PLOD1: variants seen among roughly 807,000 people sequenced by gnomAD.
PLOD1 encodes lysine hydroxylase.
PLOD1 carries 70 observed loss-of-function variants against 94.7 expected under a neutral mutation model. That is an observed-to-expected ratio of 0.74 (90% CI 0.61 to 0.90). The LOEUF (loss-of-function observed/expected upper bound fraction) is 0.90, where lower values mean the gene tolerates loss of function less well. PLOD1 is among the 40% of genes least tolerant of loss of function. PLOD1 has a pLI of 0.00. For missense variants in PLOD1, 905 were observed against 972.7 expected (o/e 0.93, Z 0.93); for synonymous variants, 417 against 400.2 (o/e 1.04, Z -0.50).
At chr1:11,956,837 G>A in intron 6 of PLOD1, 80 bp from the exon 7 acceptor site, 1 of 882,236 alleles carries the variant, frequency 1.1e-6, no homozygotes, top group South Asian at 1.3e-5. Context: ...TGCACAGCTG[G>A]GATTTGAGCC....
rs1645889828 is a variant in PLOD1 at position 11,974,558 on chromosome 1, C to T, written c.2029-95C>T. On this transcript the variant is annotated intron_variant, in intron 18 of 18. Transcript: ENST00000196061. ...AGAAGGCATCCCCAGGCAGGCAGTG[C>T]TGAGGGCCACTTGGCCATGACAGGA... is the stretch of plus-strand genomic sequence containing the variant. The T allele has an allele frequency of 3.2e-6, 4 of 1,255,180 alleles. No homozygotes were observed. The African/African-American group carries it at 4.4e-5, about 14-fold the overall frequency. The allele number at this position is 1,255,180 out of a possible 1,614,324, so 77.8% of individuals were successfully genotyped here.
chr1:11,952,544 G>A, intron 4 of PLOD1, 79 bp from the exon 5 acceptor site: 1 of 974,048 alleles, frequency 1.0e-6, no homozygotes, highest in South Asian at 1.3e-5. Flanking sequence ...TGGATAAGAG[G>A]GAAGGGTGGG....
intron 16 of PLOD1, among the ~76,000 whole-genome samples, chr1:11,970,398 G>A (rs145163199): frequency 9.8e-5 from 15 of 152,302 alleles, no homozygotes; most frequent in African/African-American, 2.6e-4. Flanking sequence ...GCGCCACTGC[G>A]CTCTTACCTG....
chr1:11,959,692 A>G (rs1366277172), intron 9 of PLOD1, among the ~76,000 whole-genome samples: 1 of 147,902 alleles, frequency 6.8e-6, no homozygotes, highest in Non-Finnish European at 1.5e-5. Flanking sequence ...ATCTCAGCTC[A>G]GTGCAACCTC....
In PLOD1 at chr1:11,963,949, GAGA is replaced by G. The variant is rs1020338670; in HGVS notation, c.1203-223_1203-221del. ...CAGCCTGATACCCCAGGTTCTGATA[GAGA>G]AGGTGTCCTGCCCTGTCTGCTCCTG... is the stretch of plus-strand genomic sequence containing the variant. On this transcript the variant is annotated intron_variant, in intron 11 of 18. Coordinates refer to ENST00000196061, the MANE Select transcript of PLOD1 (RefSeq NM_000302.4). The surrounding 1 kb of genome is among the most constrained non-coding windows in gnomAD (Gnocchi z 4.3). Among the ~76,000 whole-genome samples, 4 of 152,074 alleles carry G rather than the reference GAGA, an allele frequency of 2.6e-5. No individual in the cohort carries two copies. Among genetic ancestry groups the G allele is most frequent in the Non-Finnish European group, 4.4e-5 (3 of 68,008 alleles).
At chr1:11,954,595 A>G (rs755700013) in intron 5 of PLOD1, 1 of 758,486 alleles carries the variant, frequency 1.3e-6, no homozygotes, top group Non-Finnish European at 2.5e-6. Context: ...GCATTCTTAG[A>G]TTCCTTCCAG....
intron 17 of PLOD1, among the ~76,000 whole-genome samples, chr1:11,971,084 C>T (rs1324257363): frequency 1.7e-5 from 1 of 60,240 alleles, no homozygotes; most frequent in Non-Finnish European, 3.2e-5. Context: ...CTGGGAGGGG[C>T]AGGGGTGAGT....
intron 5 of PLOD1, chr1:11,954,610 G>C: frequency 1.3e-6 from 1 of 766,186 alleles, no homozygotes; most frequent in Non-Finnish European, 2.4e-6. Flanking sequence ...TTCCAGTTCA[G>C]AGTCCCTGGT....
At chr1:11,970,444 T>C (rs1420731685) in intron 16 of PLOD1, among the ~76,000 whole-genome samples, 1 of 152,006 alleles carries the variant, frequency 6.6e-6, no homozygotes, top group Non-Finnish European at 1.5e-5. Context: ...AAAAATAAGG[T>C]CTTTCTGCAG....
Position 11,963,713 on chromosome 1 carries a change from C to T in PLOD1, c.1202+77C>T. 1.2e-6 allele frequency: 1 copy of T among 813,254 alleles called. No homozygotes were observed. The highest frequency in any genetic ancestry group is 2.1e-6 in the Non-Finnish European group (1 of 473,968). The allele number at this position is 813,254 out of a possible 1,614,324, so 50.4% of individuals were successfully genotyped here. A position where few individuals can be genotyped will look rare whatever the true frequency, so the allele number is the denominator to read the frequency against. ...GGGTGGCAGCCCTCCTTGCCTTCCTCCTCCTCCTCCTCATCCACCTCCTCT... is the reference window on the plus strand; with the variant it reads ...GGGTGGCAGCCCTCCTTGCCTTCCTTCTCCTCCTCCTCATCCACCTCCTCT... On this transcript the variant is annotated intron_variant, in intron 11 of 18. Coordinates refer to ENST00000196061, the MANE Select transcript of PLOD1 (RefSeq NM_000302.4). The surrounding 1 kb of genome is among the most constrained non-coding windows in gnomAD (Gnocchi z 4.3).
intron 1 of PLOD1, chr1:11,944,554 G>A (rs768905930): frequency 4.4e-6 from 6 of 1,352,592 alleles, no homozygotes; most frequent in Non-Finnish European, 5.9e-6. Flanking sequence ...CAGAGCTGGT[G>A]GCTCTGGTTC....
Position 11,958,518 on chromosome 1 carries a change from T to C in PLOD1, c.846T>C (p.Asp282=), listed in dbSNP as rs755620088. The C allele has an allele frequency of 1.2e-5, 20 of 1,613,608 alleles. No individual in the cohort carries two copies. In the Admixed American group the frequency reaches 3.3e-4, roughly 27 times the overall value. The change falls in exon 9 of 19, where the codon GAT becomes GAC. Residue 282 remains aspartate (D), a splice_region_variant and synonymous_variant. Coordinates refer to ENST00000196061, the MANE Select transcript of PLOD1 (RefSeq NM_000302.4). This position sits in a 1 kb window ranked among gnomAD's most constrained non-coding sequence, Gnocchi z 4.3. ...EGLRSLKGIG[D]EALPTVLVGV... ...TTGTGCCGCCCTCCCTGGTGCAGGATGAAGCTCTGCCCACGGTCCTGGTCG... is the reference window on the plus strand; with the variant it reads ...TTGTGCCGCCCTCCCTGGTGCAGGACGAAGCTCTGCCCACGGTCCTGGTCG...
Position 11,958,353 on chromosome 1 carries a change from G to GC in PLOD1, c.844-156dup, listed in dbSNP as rs200642071. 7.9e-5 allele frequency among the ~76,000 whole-genome samples: 12 copies of GC among 151,760 alleles called. No individual in the cohort carries two copies. Among genetic ancestry groups the GC allele is most frequent in the East Asian group, 3.9e-4 (2 of 5,154 alleles). On this transcript the variant is annotated intron_variant, in intron 8 of 18. Coordinates refer to ENST00000196061, the MANE Select transcript of PLOD1 (RefSeq NM_000302.4). The surrounding 1 kb of genome is among the most constrained non-coding windows in gnomAD (Gnocchi z 4.3). ...CGGGGCACCCTCCTGCTGCTTCCCTGCCCCCCCGTACCCCCTGACTGGAGT... is the reference window on the plus strand; with the variant it reads ...CGGGGCACCCTCCTGCTGCTTCCCTGCCCCCCCCGTACCCCCTGACTGGAGT...
At chr1:11,948,215 G>T in intron 2 of PLOD1, 148 bp downstream of exon 2, 1 of 696,012 alleles carries the variant, frequency 1.4e-6, no homozygotes. Flanking sequence ...AAATGAGTTA[G>T]TCGGGAATGG....
At chr1:11,968,716 T>C (rs1645839737) in intron 16 of PLOD1, among the ~76,000 whole-genome samples, 1 of 151,918 alleles carries the variant, frequency 6.6e-6, no homozygotes, top group Admixed American at 6.6e-5. Context: ...TTTCACCATT[T>C]TGGTCAGGCT....
intron 1 of PLOD1, among the ~76,000 whole-genome samples, chr1:11,935,915 G>A (rs933143140): frequency 6.7e-5 from 10 of 150,154 alleles, no homozygotes; most frequent in African/African-American, 2.2e-4. Flanking sequence ...GAGCCATCGC[G>A]CCCGGCCGGT....
rs1348357283 is a variant in PLOD1, at chr1:11,958,244, G to A, written c.844-272G>A. Among the ~76,000 whole-genome samples the A allele has an allele frequency of 6.6e-6, 1 of 151,648 alleles. No individual in the cohort carries two copies. Among genetic ancestry groups the A allele is most frequent in the African/African-American group, 2.4e-5 (1 of 41,238 alleles). On this transcript the variant is annotated intron_variant, in intron 8 of 18. Coordinates refer to ENST00000196061, the MANE Select transcript of PLOD1 (RefSeq NM_000302.4). The surrounding 1 kb of genome is among the most constrained non-coding windows in gnomAD (Gnocchi z 4.3). ...CTCATCCTCATTTATGACTCACCTC[G>A]AACACCACGCCAGCCACGATCTCCT...
chr1:11,964,198 C>T lies in PLOD1; in HGVS notation c.1226C>T (p.Thr409Ile). The stretch of plus-strand genomic sequence containing the variant: ...AGGAACGTCATTGCCCCGCTGATGA[C>T]CCGGCATGGGAGGCTGTGGTCGAAC... ...QNKNVIAPLM[T>I]RHGRLWSNFW... is the part of the protein sequence containing the mutation. Residue 409 changes from threonine (T) to isoleucine (I), a missense_variant, in exon 12 of 19, where the codon ACC becomes ATC. Thr to Ile is a moderately conservative substitution (Grantham distance 89). Coordinates refer to ENST00000196061, the MANE Select transcript of PLOD1 (RefSeq NM_000302.4). The T allele has an allele frequency of 1.9e-6, 3 of 1,613,888 alleles. No homozygotes were observed.
chr1:11,934,996 T>C, intron 1 of PLOD1, 141 bp downstream of exon 1: 1 of 1,109,460 alleles, frequency 9.0e-7, no homozygotes, highest in East Asian at 2.9e-5. Flanking sequence ...ACTTAATCGC[T>C]GGTGACTTGA....
Sources: gnomAD v4.1 joint callset for allele counts (sites outside exome capture counted in the v4.1 genomes callset) on GRCh38, gnomAD v4.1.1 for gene constraint, Gnocchi (gnomAD v3.1) non-coding constraint, MANE v1.5 for transcripts, NCBI Gene and HGNC (gene_info 2026-07-23, HGNC 2026-07-21) for gene names.